VSTM1: variants seen among roughly 807,000 people sequenced by gnomAD.
The protein encoded by VSTM1 is V-set and transmembrane domain-containing protein 1.
Under a neutral mutation model 33.1 loss-of-function variants are expected in VSTM1, and 27 were observed. That is an observed-to-expected ratio of 0.82 (90% confidence interval 0.60 to 1.12). The LOEUF (loss-of-function observed/expected upper bound fraction) is 1.12, where lower values mean the gene tolerates loss of function less well. VSTM1 is among the 50% of genes most tolerant of loss of function. The probability of loss-of-function intolerance (pLI) is 0.00; values close to 1 mark genes in which losing one functional copy is unlikely to be tolerated. For synonymous variants in VSTM1, 115 were observed against 110.3 expected (o/e 1.04, Z -0.27); for missense variants, 304 against 288.9 (o/e 1.05, Z -0.38).
rs763830965 is a variant in VSTM1, at chr19:54,041,038, T to C, written c.634A>G (p.Ser212Gly). 5 of 1,607,910 alleles carry C rather than the reference T, an allele frequency of 3.1e-6. No homozygotes were observed. In the East Asian group the frequency reaches 9.0e-5, roughly 29 times the overall value. Residue 212 changes from serine to glycine, a missense_variant, in exon 9 of 9, where the codon AGC becomes GGC. Coordinates refer to ENST00000338372, the MANE Select transcript of VSTM1 (RefSeq NM_198481.4). ...QGVTYAELST[S>G]ALSEAASDTT... ...TCTGAAGCTGCCTCAGACAGGGCGC[T>C]GGTGCTTAGCTCAGCATAGGTCACT... is the stretch of plus-strand genomic sequence containing the variant.
At position 54,042,106 on chromosome 19, in the gene VSTM1, C is replaced by A. The variant is rs1258225434; in HGVS notation, c.515+63G>T. ...GCTCAGGGTGCCAATCCCGGATGTG[C>A]CAATGGGTTCCCTTGAGAATGACAT... On this transcript the variant is annotated intron_variant, in intron 6 of 8. Coordinates refer to ENST00000338372, the MANE Select transcript of VSTM1 (RefSeq NM_198481.4). 3.1e-6 allele frequency: 5 copies of A among 1,603,090 alleles called. No homozygotes were observed. In the Admixed American group the frequency reaches 8.5e-5, roughly 27 times the overall value.
chr19:54,054,634 AATGGATGG>A lies in VSTM1; in HGVS notation c.356-3194_356-3187del, dbSNP rs35280887. Among the ~76,000 whole-genome samples, 8 of 135,248 alleles carry A rather than the reference AATGGATGG, an allele frequency of 5.9e-5. 2 individuals carry two copies. The highest frequency in any genetic ancestry group is 1.1e-4 in the African/African-American group (4 of 37,242). The allele number at this position is 135,248 out of a possible 152,430, so 88.7% of individuals were successfully genotyped here. A position where few individuals can be genotyped will look rare whatever the true frequency, so the allele number is the denominator to read the frequency against. On this transcript the variant is annotated intron_variant, in intron 3 of 8. Coordinates refer to ENST00000338372, the MANE Select transcript of VSTM1 (RefSeq NM_198481.4). ...TTAGTGACTAATAAATGAATGGATG[AATGGATGG>A]ATGGATGGATGGATGGATGGATAGA...
intron 1 of VSTM1, among the ~76,000 whole-genome samples, chr19:54,063,451 C>G (rs1355281673): frequency 1.3e-5 from 2 of 152,186 alleles, no homozygotes; most frequent in Admixed American, 1.3e-4. Context: ...CTCCTCTATT[C>G]CGACGGAGGA....
chr19:54,059,909 G>A (rs574885242), intron 1 of VSTM1, among the ~76,000 whole-genome samples: 3 of 150,808 alleles, frequency 2.0e-5, no homozygotes, highest in South Asian at 4.2e-4. Context: ...GTGCAGTGGC[G>A]CGATCTCGGC....
chr19:54,056,214 C>CTTTTTTTTTTTTTTTTTTTTTTTTT (rs869203085), intron 3 of VSTM1, among the ~76,000 whole-genome samples: 2 of 39,182 alleles, frequency 5.1e-5, no homozygotes, highest in African/African-American at 1.9e-4. Flanking sequence ...CTTTTCTTTT[C>CTTTTTTTTTTTTTTTTTTTTTTTTT]TTTTTTTTTT....
At chr19:54,041,720 C>T in intron 8 of VSTM1, 59 bp downstream of exon 8, 8 of 1,574,158 alleles carry the variant, frequency 5.1e-6, no homozygotes, top group Non-Finnish European at 2.6e-6. Context: ...AGGAGGCACA[C>T]ACGACCAGCC....
At chr19:54,044,366 C>T (rs1028623284) in intron 4 of VSTM1, among the ~76,000 whole-genome samples, 3 of 152,052 alleles carry the variant, frequency 2.0e-5, no homozygotes, top group Non-Finnish European at 2.9e-5. Flanking sequence ...CGAGACCAGC[C>T]TGGCCAACAT....
chr19:54,051,170 T>C (rs2070821345), intron 4 of VSTM1, among the ~76,000 whole-genome samples: 1 of 152,042 alleles, frequency 6.6e-6, no homozygotes, highest in South Asian at 2.1e-4. Flanking sequence ...TGCGTGCCTG[T>C]AGTCCCAGCT....
In VSTM1 at chr19:54,056,408, A is replaced by T. The variant is rs756340034; in HGVS notation, c.355+1898T>A. 1.1e-4 allele frequency among the ~76,000 whole-genome samples: 15 copies of T among 136,512 alleles called. 3 individuals carry two copies. The highest frequency in any genetic ancestry group is 2.4e-4 in the Non-Finnish European group (15 of 62,844). The allele number at this position is 136,512 out of a possible 152,430, so 89.6% of individuals were successfully genotyped here. A position where few individuals can be genotyped will look rare whatever the true frequency, so the allele number is the denominator to read the frequency against. ...AGGTAATTATTGTATTTTTGTAGAG[A>T]TGGAGTTTCGCCATGTTACCCAGGC... On this transcript the variant is annotated intron_variant, in intron 3 of 8. Coordinates refer to ENST00000338372, the MANE Select transcript of VSTM1 (RefSeq NM_198481.4).
intron 3 of VSTM1, among the ~76,000 whole-genome samples, chr19:54,051,981 A>G (rs2070861493): frequency 6.6e-6 from 1 of 151,820 alleles, no homozygotes; most frequent in Non-Finnish European, 1.5e-5. Context: ...GGCTGGTCTC[A>G]AACTCCTGGC....
chr19:54,061,677 A>C (rs559557634), intron 1 of VSTM1, among the ~76,000 whole-genome samples: 1 of 152,146 alleles, frequency 6.6e-6, no homozygotes, highest in Non-Finnish European at 1.5e-5. Context: ...TTAGTCCAAC[A>C]TGGTGGTGTG....
rs540795960 is a variant in VSTM1, at chr19:54,058,244, A to C, written c.355+62T>G. Reference sequence around the variant, plus strand: ...GACACAGCAAGACTCTGTCTTAAAAAAAAAAAAGCAAAGCCAAACCAAAGA... The same window carrying C: ...GACACAGCAAGACTCTGTCTTAAAACAAAAAAAGCAAAGCCAAACCAAAGA... On this transcript the variant is annotated intron_variant, in intron 3 of 8. Coordinates refer to ENST00000338372, the MANE Select transcript of VSTM1 (RefSeq NM_198481.4). 1.1e-4 allele frequency: 175 copies of C among 1,543,926 alleles called. No individual in the cohort carries two copies. The East Asian group carries it at 3.9e-3, about 35-fold the overall frequency.
At chr19:54,059,055 CTTTCTT>C (rs1189017774) in intron 1 of VSTM1, among the ~76,000 whole-genome samples, 6 of 125,588 alleles carry the variant, frequency 4.8e-5, no homozygotes, top group African/African-American at 1.9e-4. Context: ...GCAACTTCTT[CTTTCTT>C]TTTTTTTTTT....
At chr19:54,041,495 G>T (rs1320239836) in intron 8 of VSTM1, among the ~76,000 whole-genome samples, 1 of 151,954 alleles carries the variant, frequency 6.6e-6, no homozygotes, top group Non-Finnish European at 1.5e-5. Flanking sequence ...TAGAGATGGG[G>T]TTTCACCATG....
At chr19:54,042,806 G>GTATATATATATATATATA (rs1203522841) in intron 4 of VSTM1, among the ~76,000 whole-genome samples, 4 of 57,950 alleles carry the variant, frequency 6.9e-5, no homozygotes, top group Admixed American at 2.4e-4. Context: ...ATATAAATGT[G>GTATATATATATATATATA]TATATATATA....
At chr19:54,053,281 G>A (rs1363222633) in intron 3 of VSTM1, among the ~76,000 whole-genome samples, 2 of 141,426 alleles carry the variant, frequency 1.4e-5, no homozygotes, top group Admixed American at 7.3e-5. Context: ...TCATGCTTGT[G>A]GCAGATAGAC....
chr19:54,053,545 C>A lies in VSTM1; in HGVS notation c.356-2097G>T, dbSNP rs2070951542. Among the ~76,000 whole-genome samples, 4 of 142,178 alleles carry A rather than the reference C, an allele frequency of 2.8e-5. 2 individuals carry two copies. Among genetic ancestry groups the A allele is most frequent in the Non-Finnish European group, 6.2e-5 (4 of 64,434 alleles). The allele number at this position is 142,178 out of a possible 152,430, so 93.3% of individuals were successfully genotyped here. On this transcript the variant is annotated intron_variant, in intron 3 of 8. Transcript: ENST00000338372. ...CTGCAGAATCATTCTAGCATGAATC[C>A]TACAGCTATAAAGAACCAGATATTG... is the stretch of plus-strand genomic sequence containing the variant.
chr19:54,052,145 T>G (rs2070872779), intron 3 of VSTM1, among the ~76,000 whole-genome samples: 1 of 151,638 alleles, frequency 6.6e-6, no homozygotes, highest in Non-Finnish European at 1.5e-5. Flanking sequence ...ACGCCTGTAA[T>G]CCCAGCACTT....
chr19:54,061,450 A>T (rs1485598687), intron 1 of VSTM1, among the ~76,000 whole-genome samples: 1 of 152,234 alleles, frequency 6.6e-6, no homozygotes, highest in African/African-American at 2.4e-5. Context: ...ATACTAGAGT[A>T]GGCTGGGTAT....
Sources: allele counts gnomAD v4.1 joint callset (sites outside exome capture counted in the v4.1 genomes callset), GRCh38; gene constraint gnomAD v4.1.1; transcripts MANE v1.5; gene names NCBI Gene and HGNC (gene_info 2026-07-23, HGNC 2026-07-21).